GOLM1: variants seen among roughly 807,000 people sequenced by gnomAD.
GOLM1 encodes golgi membrane protein 1, also known as epididymis luminal protein 46.
Under a neutral mutation model 50.5 loss-of-function variants are expected in GOLM1, and 31 were observed. The observed-to-expected ratio is 0.61, with a 90% CI of 0.46 to 0.83. GOLM1 has a LOEUF of 0.83. Among genes scored for constraint, GOLM1 ranks in the 40% least tolerant of loss-of-function variants. The probability of loss-of-function intolerance (pLI) is 0.00; values close to 1 mark genes in which losing one functional copy is unlikely to be tolerated. For synonymous variants in GOLM1, 178 were observed against 192.8 expected (o/e 0.92, Z 0.64); for missense variants, 491 against 501.3 (o/e 0.98, Z 0.20).
At chr9:86,092,343 C>T (rs1325608116) in intron 1 of GOLM1, among the ~76,000 whole-genome samples, 1 of 152,206 alleles carries the variant, frequency 6.6e-6, no homozygotes, top group African/African-American at 2.4e-5. Context: ...AACCATTCTA[C>T]TTTATAGCAA....
At chr9:86,033,505 G>A in intron 8 of GOLM1, 110 bp from the exon 9 acceptor site, 1 of 676,010 alleles carries the variant, frequency 1.5e-6, no homozygotes, top group Non-Finnish European at 2.6e-6. Flanking sequence ...AATCAGATCT[G>A]TCTGCTGCCT....
chr9:86,031,061 T>C (rs1375741044), intron 9 of GOLM1, among the ~76,000 whole-genome samples: 2 of 151,924 alleles, frequency 1.3e-5, no homozygotes, highest in Admixed American at 1.3e-4. Context: ...AATACAAATA[T>C]TAGCTGGACG....
chr9:86,078,603 G>T (rs1834691348), intron 2 of GOLM1, among the ~76,000 whole-genome samples: 1 of 152,134 alleles, frequency 6.6e-6, no homozygotes, highest in African/African-American at 2.4e-5. Flanking sequence ...AGAGTTGGGA[G>T]GTGCCAAGAT....
intron 1 of GOLM1, among the ~76,000 whole-genome samples, chr9:86,086,646 G>C (rs1203952324): frequency 6.6e-6 from 1 of 152,202 alleles, no homozygotes; most frequent in Non-Finnish European, 1.5e-5. Context: ...GTAAGGAAGA[G>C]GTCCAGTTTC....
rs191332535 is a variant in GOLM1, at chr9:86,026,341, A to G, written c.*1476T>C. On this transcript the variant is annotated 3_prime_UTR_variant, in exon 10 of 10. Coordinates refer to ENST00000388712, the MANE Select transcript of GOLM1 (RefSeq NM_016548.4). ...ATCTAAGTTGCCTTTTCTGGGTGGG[A>G]AAGTTTAACCTTAGTGACTAAGGAC... 8.5e-5 allele frequency: 84 copies of G among 985,236 alleles called. 1 individual carries two copies. The highest frequency in any genetic ancestry group is 1.7e-4 in the African/African-American group (10 of 57,354). The allele number at this position is 985,236 out of a possible 1,614,324, so 61.0% of individuals were successfully genotyped here.
Position 86,035,432 on chromosome 9 carries a change from G to A in GOLM1, c.951C>T (p.Gly317=). The A allele has an allele frequency of 6.2e-7, 1 of 1,613,834 alleles. No homozygotes were observed. The highest frequency in any genetic ancestry group is 2.2e-5 in the East Asian group (1 of 44,852). Reference sequence around the variant, plus strand: ...GGATGACAAGCTGGTCTCGCTCAGGGCCCTCCATCTCTGGATTTTCCTGGC... The same window carrying A: ...GGATGACAAGCTGGTCTCGCTCAGGACCCTCCATCTCTGGATTTTCCTGGC... ...SVSQENPEME[G]PERDQLVIPD... is the part of the protein sequence containing the mutation. Residue 317 remains glycine, a synonymous_variant, in exon 8 of 10, where the codon GGC becomes GGT. Transcript: ENST00000388712.
chr9:86,042,125 CAA>C (rs898081796), intron 5 of GOLM1, among the ~76,000 whole-genome samples: 6 of 152,150 alleles, frequency 3.9e-5, no homozygotes, highest in African/African-American at 1.2e-4. Context: ...TCAAAAAAAA[CAA>C]AACAAAACTT....
chr9:86,056,389 A>C (rs1189838808), intron 3 of GOLM1, among the ~76,000 whole-genome samples: 3 of 150,922 alleles, frequency 2.0e-5, no homozygotes, highest in Admixed American at 1.3e-4. Context: ...ATTTTGTTGA[A>C]TCATTTTCAG....
At chr9:86,080,703 AC>A (rs1834756403) in intron 1 of GOLM1, among the ~76,000 whole-genome samples, 1 of 151,100 alleles carries the variant, frequency 6.6e-6, no homozygotes, top group South Asian at 2.1e-4. Context: ...AAAATAAAGC[AC>A]CCCCAGAATT....
At chr9:86,081,485 C>T (rs530089087) in intron 1 of GOLM1, among the ~76,000 whole-genome samples, 10 of 152,212 alleles carry the variant, frequency 6.6e-5, no homozygotes, top group South Asian at 2.1e-4. Context: ...CATGAGCCAC[C>T]GTGCCCAGCT....
intron 8 of GOLM1, among the ~76,000 whole-genome samples, chr9:86,034,235 T>A (rs189487420): frequency 3.9e-5 from 6 of 152,334 alleles, no homozygotes; most frequent in Admixed American, 6.5e-5. Context: ...AGTGCTGGGA[T>A]TACAGGCATG....
intron 2 of GOLM1, 143 bp from the exon 3 acceptor site, chr9:86,077,734 T>C: frequency 1.6e-6 from 1 of 624,774 alleles, no homozygotes; most frequent in Non-Finnish European, 2.8e-6. Context: ...GTGTTTTAAG[T>C]CAACTGGACA....
intron 3 of GOLM1, 154 bp downstream of exon 3, chr9:86,077,257 AG>A: frequency 1.6e-6 from 1 of 633,050 alleles, no homozygotes; most frequent in Non-Finnish European, 2.8e-6. Context: ...TGGAGGGGAA[AG>A]GGAGAGAATG....
At position 86,097,124 on chromosome 9, in the gene GOLM1, ACT is replaced by A. The variant is rs550885008; in HGVS notation, c.-22+2285_-22+2286del. ...AATATCTGTGTGAAAGAAAGGAAAG[ACT>A]CTCTGGAAATTTAAGAAACACTTCA... On this transcript the variant is annotated intron_variant, in intron 1 of 9. Transcript: ENST00000388712. Among the ~76,000 whole-genome samples the A allele has an allele frequency of 4.5e-3, 672 of 150,712 alleles. 2 individuals are homozygous for A. The highest frequency in any genetic ancestry group is 0.015 in the African/African-American group (617 of 40,892).
chr9:86,051,036 C>T (rs1421331519), intron 4 of GOLM1, among the ~76,000 whole-genome samples: 4 of 152,196 alleles, frequency 2.6e-5, no homozygotes, highest in Non-Finnish European at 5.9e-5. Context: ...CTGCCTTAAA[C>T]GTGTCCCAGA....
In GOLM1 at chr9:86,033,364, A is replaced by G. The variant is rs765661815; in HGVS notation, c.1047T>C (p.Asp349=). 94 of 1,612,068 alleles carry G rather than the reference A, an allele frequency of 5.8e-5. No individual in the cohort carries two copies. Among genetic ancestry groups the G allele is most frequent in the Non-Finnish European group, 7.3e-5 (86 of 1,178,274 alleles). The change falls in exon 9 of 10, where the codon GAT becomes GAC. Residue 349 remains aspartate (D), a synonymous_variant. Transcript: ENST00000388712. ...CTTCATTTTCATCCATGTTGTAGTC[A>G]TCTTCTCCTCTCAGTTTCTGCTGGT... ...GRNQQKLRGE[D]DYNMDENEAE...
At chr9:86,093,886 T>C (rs1835266962) in intron 1 of GOLM1, among the ~76,000 whole-genome samples, 1 of 152,228 alleles carries the variant, frequency 6.6e-6, no homozygotes, top group Non-Finnish European at 1.5e-5. Flanking sequence ...TTAGCATGTT[T>C]GACCAACATC....
chr9:86,097,581 C>T (rs969827433), intron 1 of GOLM1, among the ~76,000 whole-genome samples: 3 of 152,182 alleles, frequency 2.0e-5, no homozygotes, highest in African/African-American at 7.2e-5. Flanking sequence ...GGCGGCTGGA[C>T]CTCAGGGACC....
intron 1 of GOLM1, among the ~76,000 whole-genome samples, chr9:86,085,204 A>T (rs1834916312): frequency 6.6e-6 from 1 of 152,214 alleles, no homozygotes; most frequent in African/African-American, 2.4e-5. Context: ...CTCATTAGTG[A>T]TATTTTCAAG....
Sources: allele counts gnomAD v4.1 joint callset (sites outside exome capture counted in the v4.1 genomes callset), GRCh38; gene constraint gnomAD v4.1.1; transcripts MANE v1.5; gene names NCBI Gene and HGNC (gene_info 2026-07-23, HGNC 2026-07-21).